The following PCDHAC2 variants were observed in gnomAD, a reference collection of about 807,000 sequenced individuals.
PCDHAC2 encodes the protein protocadherin alpha-C2.
PCDHAC2 carries 24 observed loss-of-function variants against 63.3 expected under a neutral mutation model. That is an observed-to-expected ratio of 0.38 (90% confidence interval 0.27 to 0.53). The LOEUF is 0.53. Among genes scored for constraint, PCDHAC2 ranks in the 20% least tolerant of loss-of-function variants. PCDHAC2 has a pLI of 0.81. For missense variants in PCDHAC2, 1,181 were observed against 1,275.2 expected, an observed-to-expected ratio of 0.93 and a Z score of 1.12; for synonymous variants, 569 against 529.4, an observed-to-expected ratio of 1.07 and a Z score of -1.03.
In PCDHAC2 at chr5:140,969,228, G is replaced by A; in HGVS notation, c.2462G>A (p.Gly821Glu). 6.2e-7 allele frequency: 1 copy of A among 1,614,176 alleles called. No individual in the cohort carries two copies. Among genetic ancestry groups the A allele is most frequent in the Non-Finnish European group, 8.5e-7 (1 of 1,180,040 alleles). The change falls in exon 1 of 4, where the codon GGA becomes GAA. Residue 821 changes from glycine to glutamate, a missense_variant. Gly to Glu is a moderately conservative substitution (Grantham distance 98). Transcript: ENST00000289269. The part of the protein sequence containing the change: ...TGAQTGPGPS[G>E]AQAAVTDSRN... ...GCCCAGACAGGACCAGGGCCTTCGG[G>A]AGCCCAAGCAGCAGTGACTGACAGC... is the stretch of plus-strand genomic sequence containing the variant.
chr5:140,968,511 C>T lies in PCDHAC2; in HGVS notation c.1745C>T (p.Pro582Leu). The change falls in exon 1 of 4, where the codon CCT becomes CTT. Residue 582 changes from proline (P) to leucine (L), a missense_variant. Physicochemically the swap from Pro to Leu is moderately conservative, Grantham distance 98 (BLOSUM62 -3). Coordinates refer to ENST00000289269, the MANE Select transcript of PCDHAC2 (RefSeq NM_018899.6). Reference sequence around the variant, plus strand: ...GACCATGCCCCTCACATTCTGTACCCTACCTCAACCAACTCGTCAGCAGCC... The same window carrying T: ...GACCATGCCCCTCACATTCTGTACCTTACCTCAACCAACTCGTCAGCAGCC... Reference protein sequence around the residue: ...MNDHAPHILYPTSTNSSAAFE... With the variant: ...MNDHAPHILYLTSTNSSAAFE... 2 of 1,614,198 alleles carry T rather than the reference C, an allele frequency of 1.2e-6. No individual in the cohort carries two copies. The highest frequency in any genetic ancestry group is 1.7e-6 in the Non-Finnish European group (2 of 1,180,042).
At position 140,968,353 on chromosome 5, in the gene PCDHAC2, C is replaced by A. The variant is rs1377792748; in HGVS notation, c.1587C>A (p.Gly529=). 1 of 1,614,106 alleles carries A rather than the reference C, an allele frequency of 6.2e-7. No individual in the cohort carries two copies. Among genetic ancestry groups the A allele is most frequent in the Non-Finnish European group, 8.5e-7 (1 of 1,180,012 alleles). ...ATGTCTCCATTAACAGTGCCAGTGG[C>A]AGCCTTTATGCTGTCAACTCCTTTG... The part of the protein sequence containing the change: ...TSYVSINSAS[G]SLYAVNSFDY... The change falls in exon 1 of 4, where the codon GGC becomes GGA. Residue 529 remains glycine (G), a synonymous_variant. Coordinates refer to ENST00000289269, the MANE Select transcript of PCDHAC2 (RefSeq NM_018899.6).
chr5:140,982,506 C>G lies in PCDHAC2; in HGVS notation c.2656C>G (p.Arg886Gly). The change falls in exon 3 of 4, where the codon CGG (arginine) becomes GGG (glycine). Residue 886 changes from arginine to glycine, a missense_variant. This residue lies in a region of PCDHAC2 where 968 missense variants were observed against 1,073.5 expected (regional missense o/e 0.90). Transcript: ENST00000289269. ...SVHLEEAGIL[R>G]AGPGGPDQQW... Reference sequence around the variant, plus strand: ...GCACCTAGAGGAGGCTGGCATTCTACGGGCTGGTCCAGGAGGGCCTGATCA... The same window carrying G: ...GCACCTAGAGGAGGCTGGCATTCTAGGGGCTGGTCCAGGAGGGCCTGATCA... 6.2e-7 allele frequency: 1 copy of G among 1,614,162 alleles called. No homozygotes were observed. Among genetic ancestry groups the G allele is most frequent in the Non-Finnish European group, 8.5e-7 (1 of 1,180,032 alleles).
intron 3 of PCDHAC2, among the ~76,000 whole-genome samples, chr5:140,986,867 C>A (rs1238623584): frequency 6.6e-6 from 1 of 152,140 alleles, no homozygotes; most frequent in Non-Finnish European, 1.5e-5. Flanking sequence ...TACCCGGAAA[C>A]TTGTTAGAAA....
intron 3 of PCDHAC2, among the ~76,000 whole-genome samples, chr5:140,983,854 T>A (rs1554245766): frequency 6.6e-6 from 1 of 152,206 alleles, no homozygotes; most frequent in Non-Finnish European, 1.5e-5. Flanking sequence ...TTAAGTAACA[T>A]GCAGCTAAGG....
intron 3 of PCDHAC2, among the ~76,000 whole-genome samples, chr5:140,983,526 A>C (rs1421450953): frequency 6.6e-6 from 1 of 152,230 alleles, no homozygotes; most frequent in African/African-American, 2.4e-5. Context: ...TGCCAAGTAC[A>C]TTGTATGTGT....
At chr5:140,984,177 A>G (rs1337365733) in intron 3 of PCDHAC2, among the ~76,000 whole-genome samples, 3 of 152,190 alleles carry the variant, frequency 2.0e-5, no homozygotes, top group Non-Finnish European at 4.4e-5. Context: ...AAGCCACGTG[A>G]AATCATGACT....
intron 2 of PCDHAC2, among the ~76,000 whole-genome samples, chr5:140,980,838 A>G (rs141603230): frequency 5.3e-5 from 8 of 152,320 alleles, no homozygotes; most frequent in African/African-American, 1.4e-4. Flanking sequence ...GTGAACCTAA[A>G]TAATACTAAT....
intron 3 of PCDHAC2, among the ~76,000 whole-genome samples, chr5:140,993,585 G>T (rs2097574142): frequency 6.6e-6 from 1 of 151,526 alleles, no homozygotes; most frequent in Admixed American, 6.6e-5. Flanking sequence ...GCTTTTCTTG[G>T]CTTGGCTCCA....
At chr5:140,990,129 A>G (rs868941506) in intron 3 of PCDHAC2, among the ~76,000 whole-genome samples, 6 of 152,296 alleles carry the variant, frequency 3.9e-5, no homozygotes, top group Middle Eastern at 3.4e-3. Flanking sequence ...TGTAGAAGTC[A>G]GACTCAAGAG....
intron 2 of PCDHAC2, chr5:140,982,224 A>C: frequency 1.7e-6 from 1 of 587,320 alleles, no homozygotes; most frequent in South Asian, 3.8e-5. Flanking sequence ...TGGCGTTAAT[A>C]AAAAACAGAA....
chr5:140,977,067 A>G (rs2096744217), intron 1 of PCDHAC2, among the ~76,000 whole-genome samples: 1 of 152,250 alleles, frequency 6.6e-6, no homozygotes, highest in South Asian at 2.1e-4. Context: ...TATAGAAAAT[A>G]GCAGCATGAC....
At chr5:140,977,283 G>A (rs2096753441) in intron 1 of PCDHAC2, among the ~76,000 whole-genome samples, 1 of 152,190 alleles carries the variant, frequency 6.6e-6, no homozygotes, top group African/African-American at 2.4e-5. Context: ...CTCAAAGGAA[G>A]GTTCTCTCAG....
rs565071573 is a variant in PCDHAC2, at chr5:141,009,664, G to C, written c.2751G>C (p.Ala917=). 1.7e-4 allele frequency: 273 copies of C among 1,613,982 alleles called. 2 individuals are homozygous for C. In the South Asian group the frequency reaches 2.8e-3, roughly 17 times the overall value. ...GAGAAGTGTCCCCTCCAGTCGGTGC[G>C]GGTGTCAACAGCAACAGCTGGACCT... ...EAGEVSPPVG[A]GVNSNSWTFK... The change falls in exon 4 of 4, where the codon GCG becomes GCC. Residue 917 remains alanine, a synonymous_variant. Transcript: ENST00000289269.
At chr5:140,988,625 T>A (rs1406223989) in intron 3 of PCDHAC2, among the ~76,000 whole-genome samples, 1 of 152,176 alleles carries the variant, frequency 6.6e-6, no homozygotes, top group Non-Finnish European at 1.5e-5. Context: ...AATGGAGATG[T>A]CCTGGTTTTC....
chr5:140,990,895 G>A (rs550774822), intron 3 of PCDHAC2, among the ~76,000 whole-genome samples: 15 of 152,284 alleles, frequency 9.9e-5, no homozygotes, highest in Non-Finnish European at 1.9e-4. Flanking sequence ...GTGGGTCGTT[G>A]CTGGGTCAAG....
chr5:140,982,128 A>G (rs2153827578), intron 2 of PCDHAC2, among the ~76,000 whole-genome samples: 1 of 152,384 alleles, frequency 6.6e-6, no homozygotes, highest in South Asian at 2.1e-4. Flanking sequence ...TTTTGAGAAC[A>G]AGCCCTCCTC....
chr5:140,997,107 C>T (rs1346636277), intron 3 of PCDHAC2, among the ~76,000 whole-genome samples: 3 of 152,094 alleles, frequency 2.0e-5, no homozygotes, highest in African/African-American at 7.2e-5. Flanking sequence ...TCATGCACTC[C>T]TGCTCTCCCA....
rs1554230782 is a variant in PCDHAC2, at chr5:140,968,472, T to C, written c.1706T>C (p.Val569Ala). Residue 569 changes from valine (V) to alanine (A), a missense_variant, in exon 1 of 4, where the codon GTG becomes GCG. By Grantham distance (64) the Val-to-Ala change is moderately conservative. Coordinates refer to ENST00000289269, the MANE Select transcript of PCDHAC2 (RefSeq NM_018899.6). ...LSSTVTANVYVVDMNDHAPHI... is the reference protein window; with the variant it reads ...LSSTVTANVYAVDMNDHAPHI... Reference sequence around the variant, plus strand: ...AGCACTGTGACTGCCAACGTATATGTGGTGGACATGAATGACCATGCCCCT... The same window carrying C: ...AGCACTGTGACTGCCAACGTATATGCGGTGGACATGAATGACCATGCCCCT... 6.2e-7 allele frequency: 1 copy of C among 1,614,130 alleles called. No individual in the cohort carries two copies. Among genetic ancestry groups the C allele is most frequent in the Non-Finnish European group, 8.5e-7 (1 of 1,180,014 alleles).
Sources: allele counts gnomAD v4.1 joint callset (sites outside exome capture counted in the v4.1 genomes callset), GRCh38; gene constraint gnomAD v4.1.1; regional missense constraint gnomAD v4.1.1; transcripts MANE v1.5; gene names NCBI Gene and HGNC (gene_info 2026-07-23, HGNC 2026-07-21).